The following OGG1 variants were observed in gnomAD, a reference collection of about 807,000 sequenced individuals.
OGG1 encodes the protein N-glycosylase/DNA lyase.
In OGG1, 35 loss-of-function variants were observed where a neutral mutation model predicts 42.3. The observed-to-expected ratio is 0.83, with a 90% CI of 0.63 to 1.10. OGG1 has a LOEUF of 1.10. OGG1 is among the 50% of genes least tolerant of loss of function. The pLI, the probability that OGG1 is intolerant of heterozygous loss-of-function variation, is 0.00. For missense variants in OGG1, 484 were observed against 446.7 expected, an observed-to-expected ratio of 1.08 and a Z score of -0.75; for synonymous variants, 189 against 179.0, an observed-to-expected ratio of 1.06 and a Z score of -0.44.
chr3:9,762,992 G>C, intron 7 of OGG1: 1 of 1,614,144 alleles, frequency 6.2e-7, no homozygotes, highest in Non-Finnish European at 8.5e-7. Context: ...GGCGGCTGGC[G>C]TCCCGCTCCG....
At chr3:9,756,405 C>CT in intron 4 of OGG1, 66 bp from the exon 5 acceptor site, 3 of 1,563,564 alleles carry the variant, frequency 1.9e-6, no homozygotes, top group Non-Finnish European at 2.6e-6. Context: ...GGCTTTGGGG[C>CT]TATAAGCAAG....
At chr3:9,784,359 G>A (rs537677494) in intron 3 of OGG1, 30 of 1,071,644 alleles carry the variant, frequency 2.8e-5, no homozygotes, top group African/African-American at 2.4e-4. Flanking sequence ...CAAAGGGAGG[G>A]ACAGACACAT....
chr3:9,772,808 A>G (rs73021459), intron 2 of OGG1, among the ~76,000 whole-genome samples: 19,209 of 152,170 alleles, frequency 0.13, 1,514 homozygotes, highest in Middle Eastern at 0.26. Flanking sequence ...GAGGGAGGCA[A>G]GAATAACACA....
At chr3:9,767,467 A>C (rs538581508), downstream of OGG1, among the ~76,000 whole-genome samples, 37 of 152,236 alleles carry the variant, frequency 2.4e-4, no homozygotes, top group African/African-American at 8.9e-4. Flanking sequence ...CTCTTCAAGA[A>C]CCCAGGGCTA....
At chr3:9,787,355 G>A (rs779731675) in intron 3 of OGG1, 4 of 1,600,378 alleles carry the variant, frequency 2.5e-6, no homozygotes, top group South Asian at 1.1e-5. Flanking sequence ...GGAAAAGATG[G>A]CACCCAACCC....
chr3:9,783,675 G>T (rs1223233242), intron 3 of OGG1: 1 of 174,982 alleles, frequency 5.7e-6, no homozygotes, highest in African/African-American at 2.4e-5. Flanking sequence ...CTACTCAGGA[G>T]GCTGAGGCAG....
chr3:9,780,355 G>T, intron 2 of OGG1: 1 of 1,611,292 alleles, frequency 6.2e-7, no homozygotes, highest in Non-Finnish European at 8.5e-7. Flanking sequence ...CAGGGGTGAG[G>T]GCTACCCATC....
intron 3 of OGG1, among the ~76,000 whole-genome samples, chr3:9,786,000 A>G (rs1181911309): frequency 6.6e-6 from 1 of 151,176 alleles, no homozygotes; most frequent in African/African-American, 2.4e-5. Flanking sequence ...GTGCAGTGGC[A>G]CAATTTCGGC....
chr3:9,784,249 C>T, intron 3 of OGG1: 11 of 1,584,790 alleles, frequency 6.9e-6, no homozygotes, highest in Non-Finnish European at 9.5e-6. Flanking sequence ...ACTCAAGAGC[C>T]AGCTTGGAGA....
At chr3:9,754,108 C>G (rs1256121769) in intron 3 of OGG1, among the ~76,000 whole-genome samples, 2 of 152,222 alleles carry the variant, frequency 1.3e-5, no homozygotes, top group Non-Finnish European at 2.9e-5. Flanking sequence ...CCACTGCATT[C>G]CAGCCTGGGT....
intron 3 of OGG1, chr3:9,787,320 G>A (rs2078638862): frequency 1.2e-6 from 2 of 1,613,044 alleles, no homozygotes; most frequent in Non-Finnish European, 1.7e-6. Context: ...GCTGGGAGTA[G>A]TGCTTCCCCA....
chr3:9,787,397 A>T, intron 3 of OGG1: 2 of 1,537,746 alleles, frequency 1.3e-6, no homozygotes, highest in Non-Finnish European at 1.7e-6. Flanking sequence ...GCCATGCTTC[A>T]TTCATTCATT....
At chr3:9,787,167 A>C (rs1379597131) in intron 3 of OGG1, 5 of 1,614,042 alleles carry the variant, frequency 3.1e-6, no homozygotes, top group Non-Finnish European at 4.2e-6. Context: ...TCAAGTCCTG[A>C]CCTGGGGTTG....
In OGG1 at chr3:9,788,077, C is replaced by G. The variant is rs2078656855; in HGVS notation, c.*346C>G. On this transcript the variant is annotated 3_prime_UTR_variant, in exon 4 of 4. Coordinates refer to the OGG1 transcript ENST00000426518. Reference sequence around the variant, plus strand: ...AAGGACTGGGATGCGTGGACTTGATCCTGTAGATAACGGGAGGAAGAAAGG... The same window carrying G: ...AAGGACTGGGATGCGTGGACTTGATGCTGTAGATAACGGGAGGAAGAAAGG... The G allele has an allele frequency of 1.3e-5, 3 of 238,452 alleles. No individual in the cohort carries two copies. In the South Asian group the frequency reaches 1.6e-4, roughly 13 times the overall value. The allele number at this position is 238,452 out of a possible 1,614,324, so 14.8% of individuals were successfully genotyped here.
intron 3 of OGG1, chr3:9,783,767 GA>G: frequency 2.1e-6 from 1 of 479,362 alleles, no homozygotes; most frequent in African/African-American, 2.0e-5. Context: ...GACAGTGCGA[GA>G]CTCCCTCTCA....
At chr3:9,775,493 A>G (rs1378302460) in intron 2 of OGG1, among the ~76,000 whole-genome samples, 1 of 152,162 alleles carries the variant, frequency 6.6e-6, no homozygotes, top group Non-Finnish European at 1.5e-5. Flanking sequence ...TCATTAGTCC[A>G]GCCTCTATGC....
In OGG1 at chr3:9,755,910, A is replaced by G. The variant is rs182414410; in HGVS notation, c.748-561A>G. 1.5e-3 allele frequency among the ~76,000 whole-genome samples: 222 copies of G among 152,234 alleles called. 3 individuals are homozygous for G. The highest frequency in any genetic ancestry group is 9.3e-3 in the Admixed American group (143 of 15,302). The stretch of plus-strand genomic sequence containing the variant: ...TTTGGCCAGGTCACTTCACCTTTCA[A>G]AGCCTCAGTTTTCTTGTCTGTAAAG... On this transcript the variant is annotated intron_variant, in intron 4 of 6. Transcript: ENST00000344629.
At chr3:9,788,093 G>A (rs1285379401) in exon 4 of OGG1, 2 of 225,098 alleles carry the variant, frequency 8.9e-6, no homozygotes, top group Non-Finnish European at 1.8e-5. Context: ...GATAACGGGA[G>A]GAAGAAAGGC....
At chr3:9,759,263 A>G (rs752444562), downstream of OGG1, 3 of 1,613,736 alleles carry the variant, frequency 1.9e-6, no homozygotes, top group Non-Finnish European at 8.5e-7. Context: ...GAAGAATTAC[A>G]GACTTCTTCC....
Sources: allele counts gnomAD v4.1 joint callset (sites outside exome capture counted in the v4.1 genomes callset), GRCh38; gene constraint gnomAD v4.1.1; transcripts MANE v1.5; gene names NCBI Gene and HGNC (gene_info 2026-07-23, HGNC 2026-07-21).